Variants in ERG observed in about 807,000 individuals in gnomAD.
ERG encodes the protein ETS transcription factor ERG, also known as transcriptional regulator ERG.
ERG carries 9 observed loss-of-function variants against 55.3 expected under a neutral mutation model. That is an observed-to-expected ratio of 0.16 (90% CI 0.10 to 0.28). The LOEUF is 0.28. ERG is among the 10% of genes least tolerant of loss of function. ERG has a pLI of 1.00. For synonymous variants in ERG, 223 were observed against 237.3 expected, an observed-to-expected ratio of 0.94 and a Z score of 0.55; for missense variants, 434 against 631.6, an observed-to-expected ratio of 0.69 and a Z score of 3.35.
chr21:38,406,153 T>TA (rs1988757407), intron 3 of ERG, among the ~76,000 whole-genome samples: 1 of 9,592 alleles, frequency 1.0e-4, no homozygotes, highest in African/African-American at 4.6e-4. Flanking sequence ...AGACTCCATC[T>TA]CAAAAAAAAA....
chr21:38,461,213 C>G (rs1028032318), intron 1 of ERG, among the ~76,000 whole-genome samples: 2 of 152,136 alleles, frequency 1.3e-5, no homozygotes, highest in Non-Finnish European at 2.9e-5. Flanking sequence ...TGAGGACTCC[C>G]TCCTTAGCTT....
At chr21:38,578,325 G>C (rs1334995268) in intron 1 of ERG, among the ~76,000 whole-genome samples, 1 of 152,202 alleles carries the variant, frequency 6.6e-6, no homozygotes, top group African/African-American at 2.4e-5. Context: ...AAGATAGAGG[G>C]TAAATAGCTT....
Position 38,382,230 on chromosome 21 carries a change from A to C in ERG, c.*1173T>G, listed in dbSNP as rs1209910260. On this transcript the variant is annotated 3_prime_UTR_variant, in exon 10 of 10. Transcript: ENST00000288319. ...TGCATAAGTTATATAATTATTATAT[A>C]AAAAGGGGGAAAAACATTGACTTGT... 1.9e-6 allele frequency: 2 copies of C among 1,047,542 alleles called. No individual in the cohort carries two copies. The highest frequency in any genetic ancestry group is 3.3e-5 in the African/African-American group (2 of 60,088). 64.9% of individuals were successfully genotyped at this position (1,047,542 alleles called of 1,614,324 possible). A position where few individuals can be genotyped will look rare whatever the true frequency, so the allele number is the denominator to read the frequency against.
chr21:38,641,673 A>C (rs1020463592), intron 1 of ERG, among the ~76,000 whole-genome samples: 3 of 152,370 alleles, frequency 2.0e-5, no homozygotes, highest in Middle Eastern at 6.8e-3. Context: ...ATGCACATGC[A>C]AATTTTTTCA....
At chr21:38,542,757 T>C (rs998770893) in intron 2 of ERG, among the ~76,000 whole-genome samples, 3 of 152,128 alleles carry the variant, frequency 2.0e-5, no homozygotes, top group Non-Finnish European at 4.4e-5. Flanking sequence ...AAACAGTAAA[T>C]AGATACTCCA....
chr21:38,538,930 AGG>A (rs2059731197), intron 2 of ERG, among the ~76,000 whole-genome samples: 1 of 152,176 alleles, frequency 6.6e-6, no homozygotes, highest in African/African-American at 2.4e-5. Flanking sequence ...GAGACTGCCC[AGG>A]GCCTGTCCAA....
At chr21:38,427,498 G>C (rs1021443896) in intron 2 of ERG, among the ~76,000 whole-genome samples, 1 of 152,214 alleles carries the variant, frequency 6.6e-6, no homozygotes, top group Non-Finnish European at 1.5e-5. Context: ...CCACTTTCCA[G>C]AGGTGTGAAC....
At chr21:38,599,956 G>GA (rs2060154637) in intron 1 of ERG, among the ~76,000 whole-genome samples, 1 of 152,224 alleles carries the variant, frequency 6.6e-6, no homozygotes, top group South Asian at 2.1e-4. Flanking sequence ...AAGCCACATG[G>GA]AAATAGGATA....
At chr21:38,488,002 G>A (rs1301979243) in intron 1 of ERG, among the ~76,000 whole-genome samples, 1 of 152,064 alleles carries the variant, frequency 6.6e-6, no homozygotes, top group Non-Finnish European at 1.5e-5. Flanking sequence ...ACCATGTCTG[G>A]CAGTCTCTCG....
the ERG span, among the ~76,000 whole-genome samples, chr21:38,373,275 T>G: frequency 5.3e-5 from 8 of 152,238 alleles, no homozygotes; most frequent in African/African-American, 1.9e-4. Flanking sequence ...TCTCCCAACA[T>G]CTCTCTCGTT....
intron 1 of ERG, among the ~76,000 whole-genome samples, chr21:38,465,534 G>A (rs1308625092): frequency 2.0e-5 from 3 of 152,096 alleles, no homozygotes; most frequent in African/African-American, 7.2e-5. Flanking sequence ...ACAAATGAAC[G>A]CTAATGTAAA....
chr21:38,438,932 G>C (rs1351688846), intron 2 of ERG, among the ~76,000 whole-genome samples: 1 of 152,206 alleles, frequency 6.6e-6, no homozygotes, highest in South Asian at 2.1e-4. Flanking sequence ...CTAGGGCAGG[G>C]CCTAAGAAGC....
intron 1 of ERG, among the ~76,000 whole-genome samples, chr21:38,646,151 T>C (rs2060455019): frequency 1.3e-5 from 2 of 151,702 alleles, no homozygotes; most frequent in Admixed American, 6.6e-5. Context: ...TATGGTGAAA[T>C]GCACCTGTAA....
chr21:38,610,850 A>C (rs1298715324), intron 1 of ERG, among the ~76,000 whole-genome samples: 1 of 152,184 alleles, frequency 6.6e-6, no homozygotes, highest in Non-Finnish European at 1.5e-5. Flanking sequence ...GCTTCACCGC[A>C]CTGGCCAAGG....
At chr21:38,433,818 C>A in intron 2 of ERG, among the ~76,000 whole-genome samples, 1 of 152,270 alleles carries the variant, frequency 6.6e-6, no homozygotes, top group Non-Finnish European at 1.5e-5. Flanking sequence ...AATGTAATTG[C>A]GGAAATCAAT....
At chr21:38,427,464 C>T (rs913758351) in intron 2 of ERG, among the ~76,000 whole-genome samples, 6 of 152,184 alleles carry the variant, frequency 3.9e-5, no homozygotes, top group African/African-American at 7.2e-5. Context: ...TTCACCACAG[C>T]GAACTGTGTT....
At chr21:38,563,458 T>C (rs1196372288) in intron 2 of ERG, among the ~76,000 whole-genome samples, 1 of 152,178 alleles carries the variant, frequency 6.6e-6, no homozygotes, top group African/African-American at 2.4e-5. Flanking sequence ...CTAAAACTGC[T>C]CTAAAAAATA....
At chr21:38,486,970 C>T (rs1446358415) in intron 1 of ERG, among the ~76,000 whole-genome samples, 3 of 152,142 alleles carry the variant, frequency 2.0e-5, no homozygotes, top group Non-Finnish European at 4.4e-5. Flanking sequence ...TGACTCTCTT[C>T]TACAGATGAG....
At chr21:38,391,184 C>T in intron 8 of ERG, 142 bp from the exon 9 acceptor site, 1 of 704,490 alleles carries the variant, frequency 1.4e-6, no homozygotes, top group Non-Finnish European at 2.5e-6. Flanking sequence ...ACTGCCTCCA[C>T]CTCCTCTATG....
Sources: gnomAD v4.1 joint callset for allele counts (sites outside exome capture counted in the v4.1 genomes callset) on GRCh38, gnomAD v4.1.1 for gene constraint, MANE v1.5 for transcripts, NCBI Gene and HGNC (gene_info 2026-07-23, HGNC 2026-07-21) for gene names.